The following AMOTL1 variants were observed in gnomAD, a reference collection of about 807,000 sequenced individuals.
The protein encoded by AMOTL1 is angiomotin like 1.
A neutral mutation model predicts 102.9 loss-of-function variants in AMOTL1; 45 were observed. The ratio of observed to expected loss-of-function variants is 0.44; its 90% confidence interval spans 0.34 to 0.56. AMOTL1 has a LOEUF of 0.56. AMOTL1 is among the 20% of genes least tolerant of loss of function. The pLI, the probability that AMOTL1 is intolerant of heterozygous loss-of-function variation, is 0.01. For synonymous variants in AMOTL1, 481 were observed against 484.7 expected, an observed-to-expected ratio of 0.99 and a Z score of 0.10; for missense variants, 1,114 against 1,225.6, an observed-to-expected ratio of 0.91 and a Z score of 1.36.
Position 94,875,875 on chromosome 11 carries a change from C to G in AMOTL1, c.*5080C>G, listed in dbSNP as rs952226256. The G allele has an allele frequency of 3.9e-5, 6 of 152,442 alleles. No individual in the cohort carries two copies. The highest frequency in any genetic ancestry group is 1.4e-4 in the African/African-American group (6 of 41,450). 9.4% of individuals were successfully genotyped at this position (152,442 alleles called of 1,614,324 possible). On this transcript the variant is annotated 3_prime_UTR_variant, in exon 13 of 13. Transcript: ENST00000433060. ...CCATGCCTCCTATGTGTTCACATCT[C>G]TGCATACACTACAGATATAAGTGCA...
intron 6 of AMOTL1, among the ~76,000 whole-genome samples, chr11:94,834,764 A>G (rs1952140492): frequency 6.6e-6 from 1 of 152,166 alleles, no homozygotes; most frequent in Non-Finnish European, 1.5e-5. Flanking sequence ...TCCAAGTCTA[A>G]GAACACCCAA....
At chr11:94,834,183 C>T (rs1471687316) in intron 6 of AMOTL1, among the ~76,000 whole-genome samples, 3 of 152,142 alleles carry the variant, frequency 2.0e-5, no homozygotes, top group African/African-American at 7.2e-5. Flanking sequence ...ATTTCAAACA[C>T]CTAGTGATTA....
At position 94,866,088 on chromosome 11, in the gene AMOTL1, C is replaced by A; in HGVS notation, c.2408C>A (p.Thr803Lys). The change falls in exon 11 of 13, where the codon ACA (threonine) becomes AAA (lysine). Residue 803 changes from threonine (T) to lysine (K), a missense_variant. Physicochemically the swap from Thr to Lys is moderately conservative, Grantham distance 78. Transcript: ENST00000433060. ...SVPSIAAATG[T>K]HSRQTSLTSS... Reference sequence around the variant, plus strand: ...CCATCCATAGCAGCAGCTACTGGGACACACTCTCGCCAGACCTCTCTTACC... The same window carrying A: ...CCATCCATAGCAGCAGCTACTGGGAAACACTCTCGCCAGACCTCTCTTACC... 6.2e-7 allele frequency: 1 copy of A among 1,613,956 alleles called. No homozygotes were observed. The highest frequency in any genetic ancestry group is 8.5e-7 in the Non-Finnish European group (1 of 1,179,886).
chr11:94,808,545 A>G (rs1951606519), intron 3 of AMOTL1, among the ~76,000 whole-genome samples: 1 of 152,180 alleles, frequency 6.6e-6, no homozygotes, highest in South Asian at 2.1e-4. Flanking sequence ...AGAGTTTAAT[A>G]TATTGAGTGT....
chr11:94,771,233 C>G (rs1437192461), intron 1 of AMOTL1, among the ~76,000 whole-genome samples: 3 of 55,268 alleles, frequency 5.4e-5, no homozygotes, highest in Admixed American at 2.4e-4. Context: ...GTAACCTTTT[C>G]TATTTTCTTT....
chr11:94,707,266 G>GTGTGTGTGTT (rs1949947315), intron 1 of AMOTL1, among the ~76,000 whole-genome samples: 2 of 151,634 alleles, frequency 1.3e-5, no homozygotes, highest in African/African-American at 4.9e-5. Context: ...GTGTGTGTGT[G>GTGTGTGTGTT]TGTGTGTGTG....
At chr11:94,743,416 T>C (rs774959010) in intron 3 of AMOTL1, among the ~76,000 whole-genome samples, 10 of 152,216 alleles carry the variant, frequency 6.6e-5, no homozygotes, top group Non-Finnish European at 1.0e-4. Context: ...TGCCTTGTTT[T>C]CATGCTATTC....
At position 94,869,211 on chromosome 11, in the gene AMOTL1, G is replaced by A; in HGVS notation, c.2502G>A (p.Gly834=). 1 of 1,595,234 alleles carries A rather than the reference G, an allele frequency of 6.3e-7. No homozygotes were observed. Among genetic ancestry groups the A allele is most frequent in the Non-Finnish European group, 8.6e-7 (1 of 1,166,004 alleles). ...TWKGSIGLLL[G]KEHHEHASAP... is the part of the protein sequence containing the mutation. ...CTCTGCCCTCAGGATTGCTGCTGGG[G>A]AAGGAGCACCATGAGCATGCCTCTG... The change falls in exon 12 of 13, where the codon GGG becomes GGA. Residue 834 remains glycine, a synonymous_variant. Coordinates refer to ENST00000433060, the MANE Select transcript of AMOTL1 (RefSeq NM_130847.3).
chr11:94,793,383 G>A (rs978340763), intron 1 of AMOTL1, among the ~76,000 whole-genome samples: 2 of 152,056 alleles, frequency 1.3e-5, no homozygotes, highest in African/African-American at 4.8e-5. Context: ...CCCCAGTTTC[G>A]CTCCACATTG....
intron 4 of AMOTL1, among the ~76,000 whole-genome samples, chr11:94,827,144 C>G (rs951284831): frequency 6.6e-6 from 1 of 152,212 alleles, no homozygotes; most frequent in Non-Finnish European, 1.5e-5. Context: ...AAGAGCTATT[C>G]TACCCTCAAG....
chr11:94,869,051 T>C, intron 11 of AMOTL1, 147 bp from the exon 12 acceptor site: 1 of 938,860 alleles, frequency 1.1e-6, no homozygotes, highest in Non-Finnish European at 1.5e-6. Context: ...TTATCAGCCT[T>C]GTAATAAGTG....
intron 3 of AMOTL1, among the ~76,000 whole-genome samples, chr11:94,810,869 C>T (rs905984267): frequency 2.8e-5 from 4 of 144,398 alleles, no homozygotes; most frequent in East Asian, 2.0e-4. Context: ...CACACACACA[C>T]GCGTACACAC....
At chr11:94,853,820 G>A (rs571851426) in intron 7 of AMOTL1, 113 bp from the exon 8 acceptor site, 33 of 1,244,596 alleles carry the variant, frequency 2.7e-5, no homozygotes, top group African/African-American at 2.4e-4. Flanking sequence ...TGGGAGGTAC[G>A]TGCACCTGTA....
intron 2 of AMOTL1, among the ~76,000 whole-genome samples, chr11:94,732,578 C>A (rs964931072): frequency 6.6e-6 from 1 of 152,316 alleles, no homozygotes; most frequent in East Asian, 1.9e-4. Context: ...CAGTGTTTGG[C>A]CACTGTCGCA....
intron 6 of AMOTL1, among the ~76,000 whole-genome samples, chr11:94,840,921 G>A (rs1285320500): frequency 2.0e-5 from 3 of 151,690 alleles, no homozygotes; most frequent in Admixed American, 2.0e-4. Context: ...CAAAATCAAG[G>A]TACAGAACTT....
intron 1 of AMOTL1, among the ~76,000 whole-genome samples, chr11:94,728,529 T>G (rs1198155516): frequency 2.0e-5 from 3 of 152,214 alleles, no homozygotes; most frequent in Admixed American, 6.5e-5. Flanking sequence ...TGAAAACTGC[T>G]TCTAACTTAT....
intron 3 of AMOTL1, among the ~76,000 whole-genome samples, chr11:94,814,515 AG>A (rs1951733572): frequency 1.3e-5 from 2 of 152,228 alleles, no homozygotes; most frequent in African/African-American, 4.8e-5. Context: ...AGTGTAAACG[AG>A]GGAGAAGGAG....
chr11:94,852,304 G>C (rs1592035334), intron 7 of AMOTL1, among the ~76,000 whole-genome samples: 1 of 152,222 alleles, frequency 6.6e-6, no homozygotes, highest in Non-Finnish European at 1.5e-5. Context: ...TATTCCAGTG[G>C]CTTCAGCTAG....
intron 1 of AMOTL1, among the ~76,000 whole-genome samples, chr11:94,784,651 A>G (rs1314239971): frequency 6.6e-6 from 1 of 152,230 alleles, no homozygotes; most frequent in African/African-American, 2.4e-5. Flanking sequence ...ATTAAATCCA[A>G]CACATTTTGT....
Sources: allele counts gnomAD v4.1 joint callset (sites outside exome capture counted in the v4.1 genomes callset), GRCh38; gene constraint gnomAD v4.1.1; transcripts MANE v1.5; gene names NCBI Gene and HGNC (gene_info 2026-07-23, HGNC 2026-07-21).